Variants in KCNAB1 observed in about 807,000 individuals in gnomAD.
KCNAB1 encodes the protein potassium voltage-gated channel subfamily A regulatory beta subunit 1, also known as voltage-gated potassium channel subunit beta-1.
A neutral mutation model predicts 64.6 loss-of-function variants in KCNAB1; 35 were observed. The observed-to-expected ratio is 0.54, with a 90% CI of 0.41 to 0.72. The LOEUF (loss-of-function observed/expected upper bound fraction) is 0.72, where lower values mean the gene tolerates loss of function less well. KCNAB1 is among the 30% of genes least tolerant of loss of function. The probability of loss-of-function intolerance (pLI) is 0.00; values close to 1 mark genes in which losing one functional copy is unlikely to be tolerated. For synonymous variants in KCNAB1, 177 were observed against 183.8 expected (o/e 0.96, Z 0.30); for missense variants, 401 against 512.9 (o/e 0.78, Z 2.11).
In KCNAB1 at chr3:156,484,907, G is replaced by A. The variant is rs551287976; in HGVS notation, c.658+10087G>A. 7.2e-5 allele frequency among the ~76,000 whole-genome samples: 11 copies of A among 152,196 alleles called. 1 individual carries two copies. The South Asian group carries it at 2.1e-3, about 29-fold the overall frequency. Reference sequence around the variant, plus strand: ...CAGAAGGTGAGGGCGTTAGTCTTAGGTATATAAACTTGGCTGAGTTGCTCA... The same window carrying A: ...CAGAAGGTGAGGGCGTTAGTCTTAGATATATAAACTTGGCTGAGTTGCTCA... On this transcript the variant is annotated intron_variant, in intron 8 of 13. Coordinates refer to ENST00000490337, the MANE Select transcript of KCNAB1 (RefSeq NM_172160.3).
chr3:156,533,172 G>C (rs1252125031), intron 13 of KCNAB1, among the ~76,000 whole-genome samples: 1 of 152,176 alleles, frequency 6.6e-6, no homozygotes, highest in African/African-American at 2.4e-5. Flanking sequence ...TTATGAAAAG[G>C]GCTATTAAGT....
intron 1 of KCNAB1, chr3:156,291,905 G>A (rs1720461376): frequency 1.9e-6 from 3 of 1,614,108 alleles, no homozygotes; most frequent in African/African-American, 2.7e-5. Context: ...GCCTGGGGAA[G>A]CAATGCAAGT....
intron 1 of KCNAB1, among the ~76,000 whole-genome samples, chr3:156,219,934 T>C (rs1428914050): frequency 1.3e-5 from 2 of 151,834 alleles, no homozygotes; most frequent in East Asian, 3.9e-4. Context: ...GTTCTCATTG[T>C]TTGACTCCCA....
Position 156,163,888 on chromosome 3 carries a change from A to G in KCNAB1, c.275+43002A>G, listed in dbSNP as rs756591818. Among the ~76,000 whole-genome samples the G allele has an allele frequency of 6.4e-4, 97 of 152,218 alleles. 2 individuals carry two copies. The highest frequency in any genetic ancestry group is 1.4e-3 in the Admixed American group (22 of 15,286). On this transcript the variant is annotated intron_variant, in intron 1 of 13. Coordinates refer to ENST00000490337, the MANE Select transcript of KCNAB1 (RefSeq NM_172160.3). ...ATGTTGCACGGATGCCATGGCATGA[A>G]GTTTCATTTAGTGTGGATACAACCT... is the stretch of plus-strand genomic sequence containing the variant.
intron 1 of KCNAB1, among the ~76,000 whole-genome samples, chr3:156,198,707 A>C (rs1275016034): frequency 1.5e-5 from 2 of 135,238 alleles, no homozygotes; most frequent in African/African-American, 2.9e-5. Context: ...TGCACATGAG[A>C]TGGGTCTCCT....
intron 8 of KCNAB1, among the ~76,000 whole-genome samples, chr3:156,492,705 T>G (rs78845753): frequency 0.017 from 2,560 of 152,176 alleles, 36 homozygotes; most frequent in Middle Eastern, 0.031. Context: ...AATATGAACT[T>G]AACCCAAAGT....
At chr3:156,182,258 G>C (rs531901996) in intron 1 of KCNAB1, among the ~76,000 whole-genome samples, 3 of 152,174 alleles carry the variant, frequency 2.0e-5, no homozygotes, top group Non-Finnish European at 1.5e-5. Context: ...AAACTCACAG[G>C]CCCTGCTCCT....
chr3:156,481,112 A>G (rs1381213240), intron 8 of KCNAB1, among the ~76,000 whole-genome samples: 4 of 152,098 alleles, frequency 2.6e-5, no homozygotes, highest in South Asian at 2.1e-4. Flanking sequence ...TCTCATCTAC[A>G]ATCACAGTAG....
Position 156,529,181 on chromosome 3 carries a change from T to G in KCNAB1, c.1082-2228T>G, listed in dbSNP as rs545506598. ...CAAAAAGAAATGGTATACGGGTACA[T>G]AGTGCAACACGGAAAAACCTAGAAA... On this transcript the variant is annotated intron_variant, in intron 12 of 13. Transcript: ENST00000490337. Among the ~76,000 whole-genome samples, 12 of 152,270 alleles carry G rather than the reference T, an allele frequency of 7.9e-5. No individual in the cohort carries two copies. In the South Asian group the frequency reaches 2.5e-3, roughly 32 times the overall value.
At chr3:156,490,197 G>T (rs1715531568) in intron 8 of KCNAB1, among the ~76,000 whole-genome samples, 1 of 152,044 alleles carries the variant, frequency 6.6e-6, no homozygotes, top group South Asian at 2.1e-4. Flanking sequence ...CCATGCAGAA[G>T]ACAGAGTATC....
At chr3:156,380,763 C>G (rs1712090088) in intron 1 of KCNAB1, among the ~76,000 whole-genome samples, 1 of 152,090 alleles carries the variant, frequency 6.6e-6, no homozygotes, top group Non-Finnish European at 1.5e-5. Context: ...TATTAAACAT[C>G]AAATAGGTTC....
chr3:156,524,139 T>G, intron 12 of KCNAB1, 192 bp downstream of exon 12: 1 of 536,690 alleles, frequency 1.9e-6, no homozygotes, highest in Non-Finnish European at 3.2e-6. Flanking sequence ...TAGCAAATTT[T>G]TCTTACTTCT....
At chr3:156,438,688 T>G (rs995489041) in intron 2 of KCNAB1, among the ~76,000 whole-genome samples, 1 of 152,198 alleles carries the variant, frequency 6.6e-6, no homozygotes, top group African/African-American at 2.4e-5. Context: ...TCTAGTACTA[T>G]TCTAGACACT....
rs1719167807 is a variant in KCNAB1 at position 156,537,926 on chromosome 3, TA to T, written c.*1182del. 1 of 152,226 alleles carries T rather than the reference TA, an allele frequency of 6.6e-6. No individual in the cohort carries two copies. Among genetic ancestry groups the T allele is most frequent in the African/African-American group, 2.4e-5 (1 of 41,446 alleles). 9.4% of individuals were successfully genotyped at this position (152,226 alleles called of 1,614,324 possible). ...ACTTGCCTAGTGAAAAGCAAAATGT[TA>T]AAGAAAGAACTTCTGGTTCTATAAT... On this transcript the variant is annotated 3_prime_UTR_variant, in exon 14 of 14. Coordinates refer to ENST00000490337, the MANE Select transcript of KCNAB1 (RefSeq NM_172160.3).
At chr3:156,277,279 T>C (rs1719400147) in intron 1 of KCNAB1, among the ~76,000 whole-genome samples, 1 of 152,242 alleles carries the variant, frequency 6.6e-6, no homozygotes, top group South Asian at 2.1e-4. Flanking sequence ...TCACTGATGA[T>C]AGATCACCAT....
At chr3:156,124,432 G>T (rs1195238520) in intron 1 of KCNAB1, among the ~76,000 whole-genome samples, 1 of 151,914 alleles carries the variant, frequency 6.6e-6, no homozygotes, top group East Asian at 1.9e-4. Flanking sequence ...GGCCAGGCTG[G>T]TCTTGAACTC....
At chr3:156,481,333 C>G (rs541234864) in intron 8 of KCNAB1, among the ~76,000 whole-genome samples, 1 of 150,900 alleles carries the variant, frequency 6.6e-6, no homozygotes, top group Non-Finnish European at 1.5e-5. Flanking sequence ...TTTGAAAGCC[C>G]GGGACAGTTG....
chr3:156,142,898 T>G (rs1352878073), intron 1 of KCNAB1: 2 of 843,326 alleles, frequency 2.4e-6, no homozygotes, highest in Non-Finnish European at 2.9e-6. Context: ...ACATAGTTGC[T>G]TATGTTTGAC....
intron 1 of KCNAB1, among the ~76,000 whole-genome samples, chr3:156,286,307 T>G (rs1380316258): frequency 6.6e-6 from 1 of 152,242 alleles, no homozygotes; most frequent in Non-Finnish European, 1.5e-5. Flanking sequence ...ATAGCAAACT[T>G]GCATCCTAGA....
Sources: allele counts gnomAD v4.1 joint callset (sites outside exome capture counted in the v4.1 genomes callset), GRCh38; gene constraint gnomAD v4.1.1; transcripts MANE v1.5; gene names NCBI Gene and HGNC (gene_info 2026-07-23, HGNC 2026-07-21).